The following TJP2 variants were observed in gnomAD, a reference collection of about 807,000 sequenced individuals.
The protein encoded by TJP2 is tight junction protein 2.
In TJP2, 91 loss-of-function variants were observed where a neutral mutation model predicts 133.1. The observed-to-expected ratio is 0.68, with a 90% CI of 0.58 to 0.81. The LOEUF (loss-of-function observed/expected upper bound fraction) is 0.81. TJP2 is among the 40% of genes least tolerant of loss of function. The probability of loss-of-function intolerance (pLI) is 0.00; values close to 1 mark genes in which losing one functional copy is unlikely to be tolerated. For missense variants in TJP2, 1,541 were observed against 1,565.6 expected, an observed-to-expected ratio of 0.98 and a Z score of 0.26; for synonymous variants, 592 against 583.4, an observed-to-expected ratio of 1.01 and a Z score of -0.21.
chr9:69,236,696 C>G (rs893638886), intron 13 of TJP2, among the ~76,000 whole-genome samples: 1 of 152,048 alleles, frequency 6.6e-6, no homozygotes, highest in African/African-American at 2.4e-5. Flanking sequence ...TACTGTGTAC[C>G]TGCATATCAG....
chr9:69,251,948 A>G (rs1486805331), intron 21 of TJP2, among the ~76,000 whole-genome samples: 1 of 152,116 alleles, frequency 6.6e-6, no homozygotes, highest in African/African-American at 2.4e-5. Context: ...AATATACATA[A>G]CATAAAATTT....
At chr9:69,134,316 C>T (rs1822632860) in intron 1 of TJP2, among the ~76,000 whole-genome samples, 1 of 152,184 alleles carries the variant, frequency 6.6e-6, no homozygotes, top group African/African-American at 2.4e-5. Context: ...GCAGATGGTG[C>T]ACAGGTAAAC....
intron 19 of TJP2, 115 bp from the exon 20 acceptor site, chr9:69,249,260 T>A: frequency 6.5e-7 from 1 of 1,530,870 alleles, no homozygotes; most frequent in Non-Finnish European, 8.8e-7. Flanking sequence ...AAGCACCGGC[T>A]CAGAACCTCA....
At chr9:69,180,857 A>G (rs1825443480) in intron 1 of TJP2, among the ~76,000 whole-genome samples, 1 of 152,192 alleles carries the variant, frequency 6.6e-6, no homozygotes, top group African/African-American at 2.4e-5. Flanking sequence ...GTGAGGATGC[A>G]CATGCTAGTA....
intron 18 of TJP2, among the ~76,000 whole-genome samples, chr9:69,247,768 A>G (rs1831027420): frequency 6.6e-6 from 1 of 152,038 alleles, no homozygotes; most frequent in South Asian, 2.1e-4. Context: ...TAGCCGCGGT[A>G]TGGAGGATGG....
chr9:69,132,808 A>G (rs1212530412), intron 1 of TJP2, among the ~76,000 whole-genome samples: 1 of 152,132 alleles, frequency 6.6e-6, no homozygotes, highest in Non-Finnish European at 1.5e-5. Flanking sequence ...CCTACCTGGT[A>G]GGCTTAGTGG....
rs188233088 is a variant in TJP2, at chr9:69,253,967, G to T, written c.3408-242G>T. ...AGGAGGGCACCCCCTGTCCAACAGGGAGATTCTTAGGTCAGGGAGCACCTG... is the reference window on the plus strand; with the variant it reads ...AGGAGGGCACCCCCTGTCCAACAGGTAGATTCTTAGGTCAGGGAGCACCTG... On this transcript the variant is annotated intron_variant, in intron 22 of 22. Transcript: ENST00000377245. 5,188 of 553,172 alleles carry T rather than the reference G, an allele frequency of 9.4e-3. 96 individuals are homozygous for T. The highest frequency in any genetic ancestry group is 0.041 in the South Asian group (2,083 of 51,332). The allele number at this position is 553,172 out of a possible 1,614,324, so 34.3% of individuals were successfully genotyped here. A position where few individuals can be genotyped will look rare whatever the true frequency, so the allele number is the denominator to read the frequency against.
In TJP2 at chr9:69,189,809, T is replaced by TA. The variant is rs1424574189; in HGVS notation, c.60+15384dup. ...ACTTCCAATGCCTATCCCCTCACTT[T>TA]AAAAAAACTTCTCCTGGGCCAGGCA... On this transcript the variant is annotated intron_variant, in intron 1 of 22. Coordinates refer to ENST00000377245, the MANE Select transcript of TJP2 (RefSeq NM_004817.4). Among the ~76,000 whole-genome samples, 6 of 110,276 alleles carry TA rather than the reference T, an allele frequency of 5.4e-5. 3 individuals carry two copies. Among genetic ancestry groups the TA allele is most frequent in the Non-Finnish European group, 1.2e-4 (6 of 49,206 alleles). 72.3% of individuals were successfully genotyped at this position (110,276 alleles called of 152,430 possible).
In TJP2 at chr9:69,177,110, A is replaced by AT. The variant is rs569134463; in HGVS notation, c.60+2681dup. Reference sequence around the variant, plus strand: ...ATTAAGCAGTTGTGGCTACAGATGAATTTATCTAGGTTGAGAGCTGATTCC... The same window carrying AT: ...ATTAAGCAGTTGTGGCTACAGATGAATTTTATCTAGGTTGAGAGCTGATTCC... On this transcript the variant is annotated intron_variant, in intron 1 of 22. Transcript: ENST00000377245. 2.6e-4 allele frequency among the ~76,000 whole-genome samples: 40 copies of AT among 152,286 alleles called. No homozygotes were observed. In the East Asian group the frequency reaches 5.8e-3, roughly 22 times the overall value.
At chr9:69,234,807 T>A (rs1259873663) in intron 12 of TJP2, among the ~76,000 whole-genome samples, 1 of 152,218 alleles carries the variant, frequency 6.6e-6, no homozygotes, top group Non-Finnish European at 1.5e-5. Flanking sequence ...TGAACAGTGA[T>A]GCAGCCTTAT....
Position 69,145,242 on chromosome 9 carries a change from TAGAG to T in TJP2, c.-130-6401_-130-6398del, listed in dbSNP as rs1174428663. ...CCTCACTTGTCAAAGCACAGGCTTTTAGAGAGAGAGATATTTGTAGAAAGAGCAA... is the reference window on the plus strand; with the variant it reads ...CCTCACTTGTCAAAGCACAGGCTTTTAGAGAGATATTTGTAGAAAGAGCAA... On this transcript the variant is annotated intron_variant, in intron 1 of 5. Transcript: ENST00000423935. Among the ~76,000 whole-genome samples, 7 of 152,286 alleles carry T rather than the reference TAGAG, an allele frequency of 4.6e-5. No individual in the cohort carries two copies. The East Asian group carries it at 5.8e-4, about 13-fold the overall frequency.
intron 2 of TJP2, among the ~76,000 whole-genome samples, chr9:69,155,229 A>C (rs1378253782): frequency 1.0e-4 from 2 of 20,072 alleles, no homozygotes; most frequent in Non-Finnish European, 1.9e-4. Context: ...TCCATTTCCA[A>C]AAAAAAAAAA....
intron 2 of TJP2, among the ~76,000 whole-genome samples, chr9:69,156,118 A>G (rs1823743778): frequency 6.6e-6 from 1 of 152,208 alleles, no homozygotes. Context: ...TAATCCTAGC[A>G]CTTTGGGAGG....
intron 1 of TJP2, among the ~76,000 whole-genome samples, chr9:69,133,677 G>T (rs1587878006): frequency 6.6e-6 from 1 of 150,494 alleles, no homozygotes; most frequent in African/African-American, 2.5e-5. Context: ...TCAGCCTCCT[G>T]AGTAGCTGGG....
At chr9:69,123,069 C>G (rs548131568) in intron 1 of TJP2, among the ~76,000 whole-genome samples, 3 of 152,236 alleles carry the variant, frequency 2.0e-5, no homozygotes, top group East Asian at 3.9e-4. Context: ...CAGGATCACC[C>G]AAGGGATCCG....
intron 1 of TJP2, among the ~76,000 whole-genome samples, chr9:69,137,227 TTC>T (rs1291809990): frequency 1.0e-4 from 6 of 57,460 alleles, no homozygotes; most frequent in African/African-American, 4.8e-4. Context: ...TTTTCTTTCC[TTC>T]TTTCTTTCTT....
Position 69,248,102 on chromosome 9 carries a change from A to T in TJP2, c.2758A>T (p.Ser920Cys). ...DYLSCDSRLI[S>C]DFEDTDGEGG... ...TCTGAGTTGCGACAGCCGCCTCATC[A>T]GTGACTTTGAAGACACGGACGGTGA... The change falls in exon 19 of 23, where the codon AGT becomes TGT. Residue 920 changes from serine to cysteine, a missense_variant. Coordinates refer to ENST00000377245, the MANE Select transcript of TJP2 (RefSeq NM_004817.4). 1.2e-6 allele frequency: 2 copies of T among 1,614,178 alleles called. No individual in the cohort carries two copies. Among genetic ancestry groups the T allele is most frequent in the South Asian group, 1.1e-5 (1 of 91,086 alleles).
intron 3 of TJP2, among the ~76,000 whole-genome samples, chr9:69,216,899 A>G (rs975115013): frequency 6.4e-4 from 98 of 152,206 alleles, no homozygotes; most frequent in African/African-American, 2.1e-3. Flanking sequence ...ACAATTTACT[A>G]TAGGAAAACC....
chr9:69,236,861 A>C, intron 13 of TJP2, 88 bp from the exon 14 acceptor site: 1 of 1,457,854 alleles, frequency 6.9e-7, no homozygotes. Flanking sequence ...CTGAGCTCAG[A>C]AGTAAAATTG....
Sources: gnomAD v4.1 joint callset for allele counts (sites outside exome capture counted in the v4.1 genomes callset) on GRCh38, gnomAD v4.1.1 for gene constraint, MANE v1.5 for transcripts, NCBI Gene and HGNC (gene_info 2026-07-23, HGNC 2026-07-21) for gene names.